STAG1: variants seen among roughly 807,000 people sequenced by gnomAD.
The protein encoded by STAG1 is STAG1 cohesin complex component.
In STAG1, 26 loss-of-function variants were observed where a neutral mutation model predicts 170.9. The ratio of observed to expected loss-of-function variants is 0.15; its 90% CI spans 0.11 to 0.21. The LOEUF is 0.21. STAG1 is among the 10% of genes least tolerant of loss of function. STAG1 has a pLI of 1.00. For synonymous variants in STAG1, 514 were observed against 497.7 expected, an observed-to-expected ratio of 1.03 and a Z score of -0.44; for missense variants, 964 against 1,509.5, an observed-to-expected ratio of 0.64 and a Z score of 5.99.
intron 1 of STAG1, among the ~76,000 whole-genome samples, chr3:136,745,762 G>C (rs1226213285): frequency 6.6e-6 from 1 of 152,098 alleles, no homozygotes; most frequent in Non-Finnish European, 1.5e-5. Flanking sequence ...TGGCTTCCCT[G>C]GGCCACATTG....
intron 14 of STAG1, among the ~76,000 whole-genome samples, chr3:136,447,918 C>T (rs2088831267): frequency 1.3e-5 from 2 of 152,016 alleles, no homozygotes; most frequent in African/African-American, 4.8e-5. Flanking sequence ...CGCCTGGCTG[C>T]ATCACACTTT....
intron 1 of STAG1, among the ~76,000 whole-genome samples, chr3:136,737,924 C>A (rs555587947): frequency 2.0e-5 from 3 of 150,334 alleles, no homozygotes; most frequent in Non-Finnish European, 3.0e-5. Flanking sequence ...AAAAATTAGC[C>A]GGGCATGGTG....
At chr3:136,731,583 T>C (rs892910753) in intron 1 of STAG1, among the ~76,000 whole-genome samples, 5 of 152,194 alleles carry the variant, frequency 3.3e-5, no homozygotes, top group African/African-American at 1.2e-4. Context: ...GCCTATCAAG[T>C]AAAGATTTCC....
At chr3:136,423,105 C>T (rs1427901545) in intron 16 of STAG1, 61 bp from the exon 17 acceptor site, 1 of 1,112,406 alleles carries the variant, frequency 9.0e-7, no homozygotes, top group Non-Finnish European at 1.3e-6. Flanking sequence ...CAAACTGTTA[C>T]ATATATTGAT....
intron 26 of STAG1, among the ~76,000 whole-genome samples, chr3:136,360,842 G>C (rs1164825932): frequency 6.6e-6 from 1 of 151,968 alleles, no homozygotes; most frequent in South Asian, 2.1e-4. Flanking sequence ...CTAATTTTTT[G>C]TATTTTTAGT....
At chr3:136,576,849 G>A (rs1937480434) in intron 4 of STAG1, among the ~76,000 whole-genome samples, 1 of 152,096 alleles carries the variant, frequency 6.6e-6, no homozygotes, top group Admixed American at 6.5e-5. Flanking sequence ...AGCAGACAAG[G>A]GCACAGAGAA....
chr3:136,508,161 G>T (rs1282986879), intron 7 of STAG1, among the ~76,000 whole-genome samples: 1 of 152,182 alleles, frequency 6.6e-6, no homozygotes, highest in Non-Finnish European at 1.5e-5. Flanking sequence ...AGTCTTATGT[G>T]TCCAGGCATG....
intron 1 of STAG1, among the ~76,000 whole-genome samples, chr3:136,751,583 TC>T (rs1459580384): frequency 6.6e-6 from 1 of 151,810 alleles, no homozygotes; most frequent in African/African-American, 2.4e-5. Context: ...TTGATGCATC[TC>T]CCCCAGCCGC....
intron 5 of STAG1, among the ~76,000 whole-genome samples, chr3:136,554,255 G>A (rs553926819): frequency 6.6e-6 from 1 of 152,088 alleles, no homozygotes; most frequent in South Asian, 2.1e-4. Context: ...GTAAGGAAGG[G>A]GAAAGGCAGT....
chr3:136,723,830 G>A (rs1260204752), intron 1 of STAG1, among the ~76,000 whole-genome samples: 2 of 147,898 alleles, frequency 1.4e-5, no homozygotes, highest in South Asian at 2.1e-4. Flanking sequence ...CGGGAGGGAG[G>A]TGGGGGGGTC....
At chr3:136,660,465 G>A (rs1941541575) in intron 1 of STAG1, among the ~76,000 whole-genome samples, 1 of 151,994 alleles carries the variant, frequency 6.6e-6, no homozygotes, top group Non-Finnish European at 1.5e-5. Context: ...TACTACTCAG[G>A]ATGTTTTTCA....
In STAG1 at chr3:136,658,497, T is replaced by C. The variant is rs554608308; in HGVS notation, c.-83-27516A>G. Among the ~76,000 whole-genome samples, 19 of 152,126 alleles carry C rather than the reference T, an allele frequency of 1.2e-4. No individual in the cohort carries two copies. The South Asian group carries it at 3.9e-3, about 32-fold the overall frequency. On this transcript the variant is annotated intron_variant, in intron 1 of 33. Transcript: ENST00000383202. Reference sequence around the variant, plus strand: ...AACCAAATATAACTATACACCAGCATAGCTGTAACATAATCAGTTCATCAA... The same window carrying C: ...AACCAAATATAACTATACACCAGCACAGCTGTAACATAATCAGTTCATCAA...
intron 21 of STAG1, among the ~76,000 whole-genome samples, chr3:136,403,503 G>A (rs2087396753): frequency 6.6e-6 from 1 of 151,872 alleles, no homozygotes; most frequent in Non-Finnish European, 1.5e-5. Context: ...ATACCTTAAG[G>A]TAAATTCTAA....
intron 25 of STAG1, among the ~76,000 whole-genome samples, chr3:136,364,527 G>C (rs998134199): frequency 5.9e-5 from 9 of 152,146 alleles, no homozygotes; most frequent in Admixed American, 2.6e-4. Flanking sequence ...TAGGGGGAAG[G>C]GGGGATTAGG....
intron 21 of STAG1, among the ~76,000 whole-genome samples, chr3:136,401,971 T>C (rs1448465855): frequency 6.6e-6 from 1 of 151,958 alleles, no homozygotes; most frequent in Non-Finnish European, 1.5e-5. Flanking sequence ...CTCTAACTCC[T>C]GACCTCAGGT....
chr3:136,344,625 T>G (rs1936139751), intron 29 of STAG1, among the ~76,000 whole-genome samples: 1 of 152,088 alleles, frequency 6.6e-6, no homozygotes, highest in Non-Finnish European at 1.5e-5. Context: ...GTTTAAACTT[T>G]TTTTTCAAGA....
chr3:136,608,454 C>CA (rs1233795354), intron 3 of STAG1, among the ~76,000 whole-genome samples: 1 of 149,076 alleles, frequency 6.7e-6, no homozygotes, highest in Non-Finnish European at 1.5e-5. Context: ...TCGATTGAGC[C>CA]GGGGAGGCAG....
Position 136,703,408 on chromosome 3 carries a change from C to G in STAG1, c.-84+48787G>C, listed in dbSNP as rs922367368. The stretch of plus-strand genomic sequence containing the variant: ...CAGGGTGGACAATAAGTGCCTTGTT[C>G]AAAAATTGGGGTTGTGTGTTTTTAT... On this transcript the variant is annotated intron_variant, in intron 1 of 33. Coordinates refer to ENST00000383202, the MANE Select transcript of STAG1 (RefSeq NM_005862.3). 2.0e-5 allele frequency among the ~76,000 whole-genome samples: 3 copies of G among 152,116 alleles called. No individual in the cohort carries two copies. The East Asian group carries it at 5.8e-4, about 29-fold the overall frequency.
intron 9 of STAG1, among the ~76,000 whole-genome samples, chr3:136,486,355 T>G (rs2107837238): frequency 1.3e-5 from 2 of 152,374 alleles, no homozygotes; most frequent in South Asian, 4.1e-4. Context: ...TTTCCATCTC[T>G]GAGCTACAGC....
Sources: allele counts gnomAD v4.1 joint callset (sites outside exome capture counted in the v4.1 genomes callset), GRCh38; gene constraint gnomAD v4.1.1; transcripts MANE v1.5; gene names NCBI Gene and HGNC (gene_info 2026-07-23, HGNC 2026-07-21).